The following PLXNA4 variants were observed in gnomAD, a reference collection of about 807,000 sequenced individuals.
PLXNA4 encodes the protein plexin A4.
In PLXNA4, 44 loss-of-function variants were observed where a neutral mutation model predicts 191.8. The ratio of observed to expected loss-of-function variants is 0.23; its 90% CI spans 0.18 to 0.29. The LOEUF is 0.29. Among genes scored for constraint, PLXNA4 ranks in the 10% least tolerant of loss-of-function variants. The pLI is 1.00. For missense variants in PLXNA4, 1,800 were observed against 2,488.8 expected, an observed-to-expected ratio of 0.72 and a Z score of 5.89; for synonymous variants, 1,082 against 1,009.5, an observed-to-expected ratio of 1.07 and a Z score of -1.36.
Position 132,339,624 on chromosome 7 carries a change from T to G in PLXNA4, c.1372-41402A>C, listed in dbSNP as rs551656140. The stretch of plus-strand genomic sequence containing the variant: ...GCAATTATGAATGCATTTTCTCCTA[T>G]GTAAATACATGAATAAACCTTAATA... On this transcript the variant is annotated intron_variant, in intron 3 of 31. Transcript: ENST00000321063. 1.4e-4 allele frequency among the ~76,000 whole-genome samples: 22 copies of G among 152,322 alleles called. No homozygotes were observed. In the South Asian group the frequency reaches 4.1e-3, roughly 29 times the overall value.
At position 132,507,863 on chromosome 7, in the gene PLXNA4, T is replaced by C. The variant is rs1398600000; in HGVS notation, c.831A>G (p.Thr277=). 3.7e-6 allele frequency: 6 copies of C among 1,614,030 alleles called. No individual in the cohort carries two copies. In the African/African-American group the frequency reaches 6.7e-5, roughly 18 times the overall value. ...CCTTGCAAAGCCTCACGAGCTTGGA[T>C]GTATACACCTGCTCCTTGGTGGTGG... ...PGSTTKEQVY[T]SKLVRLCKED... The change falls in exon 2 of 32, where the codon ACA becomes ACG. Residue 277 remains threonine, a synonymous_variant. Coordinates refer to ENST00000321063, the MANE Select transcript of PLXNA4 (RefSeq NM_020911.2).
chr7:132,133,246 G>A (rs200232063), intron 30 of PLXNA4, 47 bp from the exon 31 acceptor site: 1 of 1,598,132 alleles, frequency 6.3e-7, no homozygotes, highest in Non-Finnish European at 8.5e-7. Context: ...TGCATACGGA[G>A]TAGAGGAGAG....
At chr7:132,631,290 G>A (rs1033162296) in intron 2 of PLXNA4, among the ~76,000 whole-genome samples, 1 of 152,094 alleles carries the variant, frequency 6.6e-6, no homozygotes, top group African/African-American at 2.4e-5. Flanking sequence ...ATTACTTTGT[G>A]TATCCATGAG....
At chr7:132,495,023 A>G (rs1263633452) in intron 2 of PLXNA4, among the ~76,000 whole-genome samples, 1 of 152,106 alleles carries the variant, frequency 6.6e-6, no homozygotes, top group Non-Finnish European at 1.5e-5. Context: ...CCTAGGCCTC[A>G]ATGACACACT....
chr7:132,230,288 G>C (rs1798481409), intron 5 of PLXNA4, among the ~76,000 whole-genome samples: 1 of 152,226 alleles, frequency 6.6e-6, no homozygotes, highest in South Asian at 2.1e-4. Context: ...AGACTGAGGA[G>C]TAAGGGGCAG....
chr7:132,214,901 T>G (rs1184603252), intron 9 of PLXNA4, among the ~76,000 whole-genome samples: 2 of 152,166 alleles, frequency 1.3e-5, no homozygotes, highest in Non-Finnish European at 2.9e-5. Context: ...AATGACCATT[T>G]TGGGGATTCC....
intron 3 of PLXNA4, among the ~76,000 whole-genome samples, chr7:132,444,498 T>C (rs1390483929): frequency 6.6e-6 from 1 of 152,208 alleles, no homozygotes; most frequent in African/African-American, 2.4e-5. Context: ...CCCAAAGTGC[T>C]GGGATTACAG....
chr7:132,372,926 A>T (rs1461166960), intron 3 of PLXNA4, among the ~76,000 whole-genome samples: 3 of 152,196 alleles, frequency 2.0e-5, no homozygotes, highest in Non-Finnish European at 2.9e-5. Flanking sequence ...TGCCTTGAAA[A>T]TTGGCATTTC....
chr7:132,261,562 C>T (rs1799646587), intron 4 of PLXNA4, among the ~76,000 whole-genome samples: 1 of 152,234 alleles, frequency 6.6e-6, no homozygotes, highest in Admixed American at 6.5e-5. Context: ...ACAAGCCACA[C>T]CCCAAGGTAT....
intron 3 of PLXNA4, among the ~76,000 whole-genome samples, chr7:132,423,380 C>T (rs1490255698): frequency 1.3e-5 from 2 of 152,204 alleles, no homozygotes; most frequent in African/African-American, 4.8e-5. Context: ...AGGATCTAGG[C>T]CCTGTTCTGT....
At chr7:132,237,518 C>A (rs1012385468) in intron 5 of PLXNA4, among the ~76,000 whole-genome samples, 13 of 152,108 alleles carry the variant, frequency 8.5e-5, no homozygotes, top group African/African-American at 3.1e-4. Context: ...AGTGCCTCAG[C>A]GGGCAGGCAG....
intron 1 of PLXNA4, among the ~76,000 whole-genome samples, chr7:132,564,001 C>T (rs1431154889): frequency 1.3e-5 from 1 of 78,708 alleles, no homozygotes; most frequent in Non-Finnish European, 2.6e-5. Flanking sequence ...CCTCCTTCTC[C>T]TCCTCCTTCT....
chr7:132,275,171 CT>C (rs1237594579), intron 4 of PLXNA4, among the ~76,000 whole-genome samples: 1 of 152,046 alleles, frequency 6.6e-6, no homozygotes, highest in African/African-American at 2.4e-5. Flanking sequence ...GATTTTTCCT[CT>C]TTTCTTCCAC....
intron 3 of PLXNA4, among the ~76,000 whole-genome samples, chr7:132,370,908 C>T (rs981156737): frequency 6.6e-5 from 10 of 152,174 alleles, no homozygotes; most frequent in Admixed American, 5.9e-4. Context: ...AGTGAGGATG[C>T]ACGTATGCCT....
At chr7:132,264,008 T>A (rs1799751709) in intron 4 of PLXNA4, 1 of 152,208 alleles carries the variant, frequency 6.6e-6, no homozygotes, top group Non-Finnish European at 1.5e-5. Context: ...TTTCACTGCC[T>A]TCCATTAAGG....
chr7:132,148,135 A>T, intron 26 of PLXNA4, 136 bp from the exon 27 acceptor site: 1 of 1,333,104 alleles, frequency 7.5e-7, no homozygotes, highest in Non-Finnish European at 1.0e-6. Flanking sequence ...GGAGGCTGTC[A>T]GCTTTCCTTG....
chr7:132,417,411 A>G (rs1794696905), intron 3 of PLXNA4, among the ~76,000 whole-genome samples: 1 of 152,200 alleles, frequency 6.6e-6, no homozygotes, highest in Non-Finnish European at 1.5e-5. Flanking sequence ...CTCAAACTAC[A>G]TATTCAGTCA....
At chr7:132,597,576 T>TATTC (rs10573562) in intron 2 of PLXNA4, among the ~76,000 whole-genome samples, 3,893 of 149,990 alleles carry the variant, frequency 0.026, 154 homozygotes, top group African/African-American at 0.089. Context: ...TCTCTCCTTT[T>TATTC]ATTCATTCAT....
chr7:132,190,729 T>C (rs1797058849), intron 14 of PLXNA4, among the ~76,000 whole-genome samples: 1 of 152,146 alleles, frequency 6.6e-6, no homozygotes, highest in Non-Finnish European at 1.5e-5. Context: ...ATCAGCTTAA[T>C]GAGGTGGCGG....
Sources: allele counts gnomAD v4.1 joint callset (sites outside exome capture counted in the v4.1 genomes callset), GRCh38; gene constraint gnomAD v4.1.1; transcripts MANE v1.5; gene names NCBI Gene and HGNC (gene_info 2026-07-23, HGNC 2026-07-21).